Variants in METTL17 observed in about 807,000 individuals in gnomAD.
METTL17 encodes ribosome assembly protein METTL17, mitochondrial.
A neutral mutation model predicts 59.4 loss-of-function variants in METTL17; 49 were observed. That is an observed-to-expected ratio of 0.82 (90% CI 0.66 to 1.05). The LOEUF is 1.05. Among genes scored for constraint, METTL17 ranks in the 50% least tolerant of loss-of-function variants. The probability of loss-of-function intolerance (pLI) is 0.00; values close to 1 mark genes in which losing one functional copy is unlikely to be tolerated. For synonymous variants in METTL17, 208 were observed against 209.2 expected, an observed-to-expected ratio of 0.99 and a Z score of 0.05; for missense variants, 555 against 578.4, an observed-to-expected ratio of 0.96 and a Z score of 0.41.
At chr14:20,990,758 G>C in intron 3 of METTL17, 160 bp downstream of exon 3, 4 of 871,096 alleles carry the variant, frequency 4.6e-6, no homozygotes, top group Non-Finnish European at 6.9e-6. Flanking sequence ...AAAGAAGGTA[G>C]ATTATTTTAG....
In METTL17 at chr14:20,993,519, A is replaced by G. The variant is rs532801594; in HGVS notation, c.602+328A>G. 80 of 289,798 alleles carry G rather than the reference A, an allele frequency of 2.8e-4. 1 individual carries two copies. In the South Asian group the frequency reaches 3.5e-3, roughly 13 times the overall value. The allele number at this position is 289,798 out of a possible 1,614,324, so 18.0% of individuals were successfully genotyped here. A position where few individuals can be genotyped will look rare whatever the true frequency, so the allele number is the denominator to read the frequency against. On this transcript the variant is annotated intron_variant, in intron 6 of 13. Coordinates refer to ENST00000339374, the MANE Select transcript of METTL17 (RefSeq NM_022734.3). ...GAAACGGTGTCTCACTCTGTCGCCC[A>G]GGCTGGAGTGCAGTGGCACAATCTC...
rs149591272 is a variant in METTL17 at position 20,991,818 on chromosome 14, C to T, written c.365-306C>T. 1.2e-3 allele frequency: 329 copies of T among 285,450 alleles called. 3 individuals are homozygous for T. The highest frequency in any genetic ancestry group is 6.9e-3 in the African/African-American group (297 of 42,916). 17.7% of individuals were successfully genotyped at this position (285,450 alleles called of 1,614,324 possible). On this transcript the variant is annotated intron_variant, in intron 3 of 13. Coordinates refer to ENST00000339374, the MANE Select transcript of METTL17 (RefSeq NM_022734.3). ...TGCTGAGCTTACAGGCGTGAGCCAC[C>T]GCACCCAGCTTACCCTTTAAATTTG...
Position 20,996,307 on chromosome 14 carries a change from A to T in METTL17, c.1080+15A>T. On this transcript the variant is annotated intron_variant, in intron 12 of 13. Transcript: ENST00000339374. ...CCTTCAGCTGGGTAGGTACCTGGGG[A>T]TATTGCAGCAGGAAGCAAACATCCT... 6.2e-7 allele frequency: 1 copy of T among 1,607,848 alleles called. No individual in the cohort carries two copies. The highest frequency in any genetic ancestry group is 1.1e-5 in the South Asian group (1 of 90,272).
At chr14:20,995,012 C>CTTTA in intron 9 of METTL17, 111 bp downstream of exon 9, 1 of 1,147,258 alleles carries the variant, frequency 8.7e-7, no homozygotes, top group Admixed American at 2.1e-5. Flanking sequence ...TCATGGGTTT[C>CTTTA]TTTATCCCTC....
rs768092431 is a variant in METTL17 at position 20,996,839 on chromosome 14, T to TA, written c.1321dup (p.Thr441AsnfsTer15). ...CCTGGGGAGATCTTTTACCTGTGCT[T>TA]ACTCCGTCTGCGTTTCCTCCATCTA... On this transcript the variant is annotated frameshift_variant, in exon 14 of 14. Coordinates refer to ENST00000339374, the MANE Select transcript of METTL17 (RefSeq NM_022734.3). LOFTEE classifies it low-confidence loss of function (END_TRUNC). 34 of 1,613,824 alleles carry TA rather than the reference T, an allele frequency of 2.1e-5. No homozygotes were observed. Among genetic ancestry groups the TA allele is most frequent in the Non-Finnish European group, 2.8e-5 (33 of 1,179,984 alleles).
In METTL17 at chr14:20,996,671, C is replaced by T. The variant is rs1366182740; in HGVS notation, c.1225C>T (p.His409Tyr). ...TTGTCACTTGTGCTGTCCAGATGGG[C>T]ACATGCAGCATGCTGTGCTCACAGC... ...VHCHLCCPDGHMQHAVLTARR... is the reference protein window; with the variant it reads ...VHCHLCCPDGYMQHAVLTARR... The change falls in exon 13 of 14, where the codon CAC becomes TAC. Residue 409 changes from histidine to tyrosine, a missense_variant. Transcript: ENST00000339374. The T allele has an allele frequency of 2.5e-6, 4 of 1,614,096 alleles. No individual in the cohort carries two copies. In the African/African-American group the frequency reaches 5.3e-5, roughly 22 times the overall value.
At chr14:20,994,452 T>A in intron 7 of METTL17, 91 bp from the exon 8 acceptor site, 2 of 1,094,274 alleles carry the variant, frequency 1.8e-6, no homozygotes, top group Non-Finnish European at 2.8e-6. Flanking sequence ...ACACTTTACC[T>A]ATTCTTGGGG....
At position 20,996,189 on chromosome 14, in the gene METTL17, AT is replaced by A. The variant is rs60250978; in HGVS notation, c.997-13del. ...ATTGATGGCTCTTTTGTCTTACCTC[AT>A]TTTTTTATGTGTTCACAGTGTCCCC... On this transcript the variant is annotated intron_variant, in intron 11 of 13. Transcript: ENST00000339374. 3 of 1,608,768 alleles carry A rather than the reference AT, an allele frequency of 1.9e-6. No individual in the cohort carries two copies. The highest frequency in any genetic ancestry group is 1.7e-5 in the Admixed American group (1 of 59,566).
At chr14:20,994,302 T>C (rs1880229469) in intron 7 of METTL17, among the ~76,000 whole-genome samples, 1 of 150,748 alleles carries the variant, frequency 6.6e-6, no homozygotes, top group East Asian at 1.9e-4. Flanking sequence ...TTTTTTTTAA[T>C]TAGAGGTAGG....
rs138891241 is a variant in METTL17, at chr14:20,996,214, C to G, written c.1002C>G (p.Pro334=). 1 of 1,613,882 alleles carries G rather than the reference C, an allele frequency of 6.2e-7. No homozygotes were observed. Among genetic ancestry groups the G allele is most frequent in the Non-Finnish European group, 8.5e-7 (1 of 1,179,860 alleles). ...ATTTTTTTATGTGTTCACAGTGTCCCCATGAACTCCCTTGTCCCCAGTTGA... is the reference window on the plus strand; with the variant it reads ...ATTTTTTTATGTGTTCACAGTGTCCGCATGAACTCCCTTGTCCCCAGTTGA... ...PRPGFVFAPC[P]HELPCPQLTN... The change falls in exon 12 of 14, where the codon CCC becomes CCG. Residue 334 remains proline (P), a synonymous_variant. Transcript: ENST00000339374.
At position 20,992,624 on chromosome 14, in the gene METTL17, TG is replaced by T. The variant is rs577727205; in HGVS notation, c.528+3del. 264 of 1,612,076 alleles carry T rather than the reference TG, an allele frequency of 1.6e-4. 2 individuals carry two copies. The African/African-American group carries it at 2.8e-3, about 17-fold the overall frequency. ...GCAGTCTCCAGAGCATTCCATGAGG[TG>T]AAAGTCCCTTAACTTCCAACCTGAA... is the stretch of plus-strand genomic sequence containing the variant. On this transcript the variant is annotated splice_donor_region_variant and intron_variant, in intron 5 of 13. Coordinates refer to ENST00000339374, the MANE Select transcript of METTL17 (RefSeq NM_022734.3).
rs201694857 is a variant in METTL17 at position 20,993,761 on chromosome 14, CTGT to C, written c.603-207_603-205del. 4 of 364,310 alleles carry C rather than the reference CTGT, an allele frequency of 1.1e-5. No homozygotes were observed. In the East Asian group the frequency reaches 2.0e-4, roughly 18 times the overall value. 22.6% of individuals were successfully genotyped at this position (364,310 alleles called of 1,614,324 possible). On this transcript the variant is annotated intron_variant, in intron 6 of 13. Coordinates refer to ENST00000339374, the MANE Select transcript of METTL17 (RefSeq NM_022734.3). ...GTGCTGGGATTACAAGCATGAGCCACTGTGCCCAGCTGAGTCTACCTTTTTTTT... is the reference window on the plus strand; with the variant it reads ...GTGCTGGGATTACAAGCATGAGCCACGCCCAGCTGAGTCTACCTTTTTTTT...
At chr14:20,995,741 T>A in intron 10 of METTL17, 160 bp from the exon 11 acceptor site, 1 of 616,108 alleles carries the variant, frequency 1.6e-6, no homozygotes, top group Non-Finnish European at 2.9e-6. Flanking sequence ...AAGTTCTTTG[T>A]TTGGAGTATT....
At chr14:20,995,823 G>C in intron 10 of METTL17, 78 bp from the exon 11 acceptor site, 1 of 1,206,906 alleles carries the variant, frequency 8.3e-7, no homozygotes, top group Non-Finnish European at 1.2e-6. Context: ...GGAGTCCTCA[G>C]TTTACTGAGT....
At chr14:20,994,743 C>T (rs757086310) in intron 8 of METTL17, 51 bp from the exon 9 acceptor site, 1 of 1,545,746 alleles carries the variant, frequency 6.5e-7, no homozygotes, top group Non-Finnish European at 8.9e-7. Context: ...TTGTTGTATT[C>T]TTGGGATGTA....
Position 20,996,239 on chromosome 14 carries a change from A to G in METTL17, c.1027A>G (p.Thr343Ala), listed in dbSNP as rs1162632908. Residue 343 changes from threonine (T) to alanine (A), a missense_variant, in exon 12 of 14, where the codon ACC becomes GCC. By Grantham distance (58) the Thr-to-Ala change is moderately conservative. Transcript: ENST00000339374. Reference sequence around the variant, plus strand: ...CCATGAACTCCCTTGTCCCCAGTTGACCAACCTGGCCTGTAGCTTCTCACA... The same window carrying G: ...CCATGAACTCCCTTGTCCCCAGTTGGCCAACCTGGCCTGTAGCTTCTCACA... ...CPHELPCPQLTNLACSFSQAY... is the reference protein window; with the variant it reads ...CPHELPCPQLANLACSFSQAY... 4.3e-6 allele frequency: 7 copies of G among 1,613,894 alleles called. No homozygotes were observed. Among genetic ancestry groups the G allele is most frequent in the South Asian group, 2.2e-5 (2 of 91,070 alleles).
intron 6 of METTL17, chr14:20,993,476 C>T (rs1347043182): frequency 8.2e-6 from 3 of 367,622 alleles, no homozygotes; most frequent in South Asian, 5.4e-5. Context: ...TTGAGTCTAC[C>T]TTTTTTTTTT....
chr14:20,991,514 C>CT (rs915543251), intron 3 of METTL17, among the ~76,000 whole-genome samples: 1 of 151,580 alleles, frequency 6.6e-6, no homozygotes, highest in Non-Finnish European at 1.5e-5. Context: ...AAATAATGTC[C>CT]TTGGCCTACC....
chr14:20,994,662 A>G, intron 8 of METTL17, 49 bp downstream of exon 8: 6 of 1,586,618 alleles, frequency 3.8e-6, no homozygotes, highest in Non-Finnish European at 5.2e-6. Flanking sequence ...TGGCAGATGG[A>G]AAACTATGGC....
Sources: gnomAD v4.1 joint callset for allele counts (sites outside exome capture counted in the v4.1 genomes callset) on GRCh38, gnomAD v4.1.1 for gene constraint, MANE v1.5 for transcripts, NCBI Gene and HGNC (gene_info 2026-07-23, HGNC 2026-07-21) for gene names.